TMEM38B: variants seen among roughly 807,000 people sequenced by gnomAD.
TMEM38B encodes transmembrane protein 38B.
Under a neutral mutation model 28.7 loss-of-function variants are expected in TMEM38B, and 24 were observed. That is an observed-to-expected ratio of 0.84 (90% CI 0.61 to 1.18). The LOEUF is 1.18. TMEM38B is among the 50% of genes most tolerant of loss of function. TMEM38B has a pLI of 0.00. For missense variants in TMEM38B, 380 were observed against 350.9 expected, an observed-to-expected ratio of 1.08 and a Z score of -0.66; for synonymous variants, 131 against 127.7, an observed-to-expected ratio of 1.03 and a Z score of -0.17.
chr9:105,704,529 A>AGTT (rs576076389), intron 1 of TMEM38B, among the ~76,000 whole-genome samples: 3 of 151,948 alleles, frequency 2.0e-5, no homozygotes, highest in Non-Finnish European at 2.9e-5. Flanking sequence ...AATATAAGCC[A>AGTT]GTTGTTGTTG....
At chr9:105,698,911 A>C (rs138139178) in intron 1 of TMEM38B, among the ~76,000 whole-genome samples, 42 of 152,174 alleles carry the variant, frequency 2.8e-4, no homozygotes, top group African/African-American at 9.6e-4. Context: ...TTGGTAATTT[A>C]TGTCTCTCTC....
chr9:105,766,065 C>A (rs1176835722), intron 5 of TMEM38B, among the ~76,000 whole-genome samples: 1 of 152,144 alleles, frequency 6.6e-6, no homozygotes, highest in Non-Finnish European at 1.5e-5. Context: ...CCTCCCAGTG[C>A]TGGAATTACA....
chr9:105,740,352 G>A (rs370970066), intron 4 of TMEM38B, among the ~76,000 whole-genome samples: 42 of 145,438 alleles, frequency 2.9e-4, no homozygotes, highest in Non-Finnish European at 2.4e-4. Flanking sequence ...TCTCCCTGTC[G>A]TCCTCCCAGG....
intron 3 of TMEM38B, among the ~76,000 whole-genome samples, chr9:105,722,210 T>A (rs990122670): frequency 6.6e-6 from 1 of 152,182 alleles, no homozygotes; most frequent in Admixed American, 6.5e-5. Context: ...AACCTCTTTT[T>A]ACAGTATACT....
intron 1 of TMEM38B, among the ~76,000 whole-genome samples, chr9:105,702,472 TAAA>T (rs1835493999): frequency 6.6e-6 from 1 of 152,064 alleles, no homozygotes; most frequent in African/African-American, 2.4e-5. Context: ...TACAAGAAAA[TAAA>T]GAAGTCATGT....
intron 1 of TMEM38B, among the ~76,000 whole-genome samples, chr9:105,704,522 A>G (rs1835580762): frequency 1.3e-5 from 2 of 152,194 alleles, no homozygotes; most frequent in African/African-American, 2.4e-5. Flanking sequence ...TTTAAAAAAT[A>G]TAAGCCAGTT....
At chr9:105,729,654 C>G (rs1018370440) in intron 4 of TMEM38B, among the ~76,000 whole-genome samples, 1 of 152,106 alleles carries the variant, frequency 6.6e-6, no homozygotes, top group Non-Finnish European at 1.5e-5. Context: ...GTCATTGACT[C>G]TATAAATTAC....
intron 5 of TMEM38B, among the ~76,000 whole-genome samples, chr9:105,773,435 GTTAT>G (rs1826623312): frequency 6.6e-6 from 1 of 152,146 alleles, no homozygotes; most frequent in Admixed American, 6.6e-5. Context: ...TTTTGGGCAA[GTTAT>G]TTAACCTCTC....
chr9:105,746,708 G>A (rs1474468439), intron 4 of TMEM38B, among the ~76,000 whole-genome samples: 2 of 152,196 alleles, frequency 1.3e-5, no homozygotes, highest in Non-Finnish European at 2.9e-5. Context: ...GATATTGGCT[G>A]TGGGTTTGTC....
chr9:105,754,699 A>G lies in TMEM38B; in HGVS notation c.660+6509A>G, dbSNP rs527823688. Reference sequence around the variant, plus strand: ...TAGAAAGATCTCAAGTTAACAACCTATCACCTCAACTGAAAGAACTAGAGA... The same window carrying G: ...TAGAAAGATCTCAAGTTAACAACCTGTCACCTCAACTGAAAGAACTAGAGA... On this transcript the variant is annotated intron_variant, in intron 5 of 5. Coordinates refer to ENST00000374692, the MANE Select transcript of TMEM38B (RefSeq NM_018112.3). Among the ~76,000 whole-genome samples, 54 of 152,292 alleles carry G rather than the reference A, an allele frequency of 3.5e-4. No homozygotes were observed. In the South Asian group the frequency reaches 0.01, roughly 29 times the overall value.
intron 5 of TMEM38B, among the ~76,000 whole-genome samples, chr9:105,750,737 T>C (rs952962285): frequency 3.3e-5 from 5 of 152,228 alleles, no homozygotes; most frequent in Admixed American, 6.5e-5. Context: ...GTCATGAAGA[T>C]TTACCTCTAT....
At chr9:105,698,190 G>C (rs1366758847) in intron 1 of TMEM38B, among the ~76,000 whole-genome samples, 3 of 150,676 alleles carry the variant, frequency 2.0e-5, no homozygotes, top group Non-Finnish European at 4.4e-5. Context: ...GGTTTTTGCT[G>C]CTTGTAGCCA....
At chr9:105,706,820 T>C (rs1466772416) in intron 2 of TMEM38B, among the ~76,000 whole-genome samples, 1 of 152,090 alleles carries the variant, frequency 6.6e-6, no homozygotes, top group African/African-American at 2.4e-5. Context: ...AAAACTTTTT[T>C]TTTTTTCTTT....
At chr9:105,714,898 C>A (rs927103807) in intron 2 of TMEM38B, among the ~76,000 whole-genome samples, 3 of 152,076 alleles carry the variant, frequency 2.0e-5, no homozygotes, top group Non-Finnish European at 4.4e-5. Flanking sequence ...TATGTCTAGG[C>A]CTTTTTAGTG....
rs910332973 is a variant in TMEM38B, at chr9:105,694,573, C to G, written c.-88C>G. 2.5e-5 allele frequency: 25 copies of G among 981,200 alleles called. No homozygotes were observed. The highest frequency in any genetic ancestry group is 3.2e-4 in the Middle Eastern group (1 of 3,150). 60.8% of individuals were successfully genotyped at this position (981,200 alleles called of 1,614,324 possible). A position where few individuals can be genotyped will look rare whatever the true frequency, so the allele number is the denominator to read the frequency against. On this transcript the variant is annotated 5_prime_UTR_variant, in exon 1 of 6. Coordinates refer to ENST00000374692, the MANE Select transcript of TMEM38B (RefSeq NM_018112.3). Reference sequence around the variant, plus strand: ...GAGCCGGCGCGGAGGAGCGGGCGGCCGCGGCTGTGCCCTCTCCTACTCCTC... The same window carrying G: ...GAGCCGGCGCGGAGGAGCGGGCGGCGGCGGCTGTGCCCTCTCCTACTCCTC...
intron 4 of TMEM38B, among the ~76,000 whole-genome samples, chr9:105,723,572 T>G (rs924881489): frequency 1.3e-5 from 2 of 152,092 alleles, no homozygotes; most frequent in Non-Finnish European, 2.9e-5. Flanking sequence ...TAAAAATTTT[T>G]GTAGAGACAG....
intron 1 of TMEM38B, chr9:105,701,545 C>T (rs1835459813): frequency 6.6e-6 from 1 of 152,216 alleles, no homozygotes; most frequent in African/African-American, 2.4e-5. Context: ...AAAAATACTA[C>T]ATCTTGAATA....
At chr9:105,710,341 A>G (rs373062359) in intron 2 of TMEM38B, 10 of 711,242 alleles carry the variant, frequency 1.4e-5, no homozygotes, top group East Asian at 5.2e-5. Flanking sequence ...CAGCCAGTCT[A>G]TTTCTAGGAT....
chr9:105,694,553 G>C lies in TMEM38B; in HGVS notation c.-108G>C, dbSNP rs549658848. ...AGGGCGCACGCGCGGAGCTGGAGCC[G>C]GCGCGGAGGAGCGGGCGGCCGCGGC... On this transcript the variant is annotated 5_prime_UTR_variant, in exon 1 of 6. Transcript: ENST00000374692. 10 of 724,556 alleles carry C rather than the reference G, an allele frequency of 1.4e-5. No individual in the cohort carries two copies. The highest frequency in any genetic ancestry group is 8.3e-5 in the South Asian group (4 of 48,448). The allele number at this position is 724,556 out of a possible 1,614,324, so 44.9% of individuals were successfully genotyped here. A position where few individuals can be genotyped will look rare whatever the true frequency, so the allele number is the denominator to read the frequency against.
Sources: gnomAD v4.1 joint callset for allele counts (sites outside exome capture counted in the v4.1 genomes callset) on GRCh38, gnomAD v4.1.1 for gene constraint, MANE v1.5 for transcripts, NCBI Gene and HGNC (gene_info 2026-07-23, HGNC 2026-07-21) for gene names.